CDC14A: variants seen among roughly 807,000 people sequenced by gnomAD.
CDC14A encodes the protein dual specificity protein phosphatase CDC14A.
A neutral mutation model predicts 74.4 loss-of-function variants in CDC14A; 53 were observed. That is an observed-to-expected ratio of 0.71 (90% CI 0.57 to 0.89). The LOEUF is 0.89. CDC14A is among the 40% of genes least tolerant of loss of function. The pLI, the probability that CDC14A is intolerant of heterozygous loss-of-function variation, is 0.00. For synonymous variants in CDC14A, 247 were observed against 258.4 expected, an observed-to-expected ratio of 0.96 and a Z score of 0.43; for missense variants, 646 against 713.7, an observed-to-expected ratio of 0.91 and a Z score of 1.08.
rs1486209354 is a variant in CDC14A at position 100,432,772 on chromosome 1, T to G, written c.390-7160T>G. Among the ~76,000 whole-genome samples the G allele has an allele frequency of 2.6e-5, 4 of 152,352 alleles. No individual in the cohort carries two copies. In the South Asian group the frequency reaches 6.2e-4, roughly 24 times the overall value. On this transcript the variant is annotated intron_variant, in intron 5 of 15. Coordinates refer to ENST00000336454, the MANE Select transcript of CDC14A (RefSeq NM_003672.4). ...TAATATGGTTATAAAAAATTAAAATTATACATGAGGCTCTCTTTTGAGGAT... is the reference window on the plus strand; with the variant it reads ...TAATATGGTTATAAAAAATTAAAATGATACATGAGGCTCTCTTTTGAGGAT...
upstream of CDC14A, chr1:100,352,456 G>A (rs1428083401): frequency 4.9e-6 from 5 of 1,010,744 alleles, no homozygotes; most frequent in African/African-American, 8.7e-5. Flanking sequence ...CCAGGGGGAG[G>A]AGGAGGAGGA....
chr1:100,506,110 G>A, intron 15 of CDC14A, among the ~76,000 whole-genome samples: 1 of 152,122 alleles, frequency 6.6e-6, no homozygotes, highest in East Asian at 1.9e-4. Flanking sequence ...CAACACTGGA[G>A]TCACATTTCA....
At chr1:100,444,437 C>T (rs1665306184) in intron 7 of CDC14A, among the ~76,000 whole-genome samples, 2 of 152,164 alleles carry the variant, frequency 1.3e-5, no homozygotes, top group Admixed American at 1.3e-4. Flanking sequence ...CTCCCATTGC[C>T]CTGCTGAAAT....
At chr1:100,436,848 C>G (rs1468718298) in intron 5 of CDC14A, among the ~76,000 whole-genome samples, 2 of 152,164 alleles carry the variant, frequency 1.3e-5, no homozygotes, top group Admixed American at 1.3e-4. Context: ...CTCTTATTCT[C>G]CTAGTCTTTG....
At chr1:100,455,565 A>T in intron 8 of CDC14A, 73 bp downstream of exon 8, 1 of 870,610 alleles carries the variant, frequency 1.1e-6, no homozygotes, top group East Asian at 2.5e-5. Context: ...ACTTCCTCAG[A>T]TAATTATTTT....
At chr1:100,421,579 A>G (rs933767236) in intron 4 of CDC14A, among the ~76,000 whole-genome samples, 1 of 152,176 alleles carries the variant, frequency 6.6e-6, no homozygotes, top group African/African-American at 2.4e-5. Flanking sequence ...AACTGTTAAC[A>G]GTTTGAAGTC....
At chr1:100,360,258 A>G (rs1396338406) in intron 2 of CDC14A, among the ~76,000 whole-genome samples, 2 of 148,132 alleles carry the variant, frequency 1.4e-5, no homozygotes, top group Non-Finnish European at 3.0e-5. Context: ...AGCCTTTTTC[A>G]CCTTCTGTTT....
In CDC14A at chr1:100,518,480, CTATGTT is replaced by C. The variant is rs1650421117; in HGVS notation, c.*205_*210del. On this transcript the variant is annotated 3_prime_UTR_variant, in exon 16 of 16. Transcript: ENST00000336454. ...AATGACTACTATAAATGCACTGAAA[CTATGTT>C]TATGGAGATTTCCATACTTTTAAAG... is the stretch of plus-strand genomic sequence containing the variant. 1 of 512,590 alleles carries C rather than the reference CTATGTT, an allele frequency of 2.0e-6. No individual in the cohort carries two copies. Among genetic ancestry groups the C allele is most frequent in the Non-Finnish European group, 3.5e-6 (1 of 284,158 alleles). 31.8% of individuals were successfully genotyped at this position (512,590 alleles called of 1,614,324 possible). A position where few individuals can be genotyped will look rare whatever the true frequency, so the allele number is the denominator to read the frequency against.
Position 100,518,358 on chromosome 1 carries a change from C to A in CDC14A, c.*78C>A, listed in dbSNP as rs1650413243. Reference sequence around the variant, plus strand: ...CTGGACGAGCAGTGGAGAGGGAAAGCAACTTCTTGCTGGAAGAATATCTCT... The same window carrying A: ...CTGGACGAGCAGTGGAGAGGGAAAGAAACTTCTTGCTGGAAGAATATCTCT... On this transcript the variant is annotated 3_prime_UTR_variant, in exon 16 of 16. Transcript: ENST00000336454. 1 of 1,122,538 alleles carries A rather than the reference C, an allele frequency of 8.9e-7. No homozygotes were observed. The highest frequency in any genetic ancestry group is 1.5e-5 in the African/African-American group (1 of 65,138). 69.5% of individuals were successfully genotyped at this position (1,122,538 alleles called of 1,614,324 possible).
At chr1:100,466,680 G>C (rs904075898) in intron 9 of CDC14A, among the ~76,000 whole-genome samples, 1 of 152,120 alleles carries the variant, frequency 6.6e-6, no homozygotes, top group Non-Finnish European at 1.5e-5. Context: ...AGACCAGACT[G>C]ACCAACATGG....
intron 15 of CDC14A, 36 bp downstream of exon 15, chr1:100,499,298 C>T (rs752046094): frequency 1.2e-6 from 2 of 1,614,180 alleles, no homozygotes; most frequent in Non-Finnish European, 1.7e-6. Context: ...GTCCTCAGAA[C>T]CCTGAATGCA....
intron 5 of CDC14A, among the ~76,000 whole-genome samples, chr1:100,434,769 T>C (rs76946238): frequency 0.02 from 3,002 of 152,200 alleles, 108 homozygotes; most frequent in African/African-American, 0.069. Flanking sequence ...TTCAAGAGAT[T>C]CTTCTTACAT....
At chr1:100,484,908 C>G (rs1669874588) in intron 11 of CDC14A, 1 of 977,510 alleles carries the variant, frequency 1.0e-6, no homozygotes, top group Non-Finnish European at 1.2e-6. Context: ...TGTAAACAAA[C>G]CACGGTAAAT....
intron 4 of CDC14A, among the ~76,000 whole-genome samples, chr1:100,395,964 C>T (rs542667576): frequency 6.6e-6 from 1 of 152,292 alleles, no homozygotes; most frequent in African/African-American, 2.4e-5. Context: ...TAATTTCTAC[C>T]CTGTTACCTC....
At chr1:100,421,012 TATATTATTA>T (rs1662302272) in intron 4 of CDC14A, among the ~76,000 whole-genome samples, 1 of 152,206 alleles carries the variant, frequency 6.6e-6, no homozygotes, top group Admixed American at 6.5e-5. Flanking sequence ...TGTTAAATGC[TATATTATTA>T]ATATGGTTTC....
At chr1:100,387,518 A>C (rs1394145639) in intron 3 of CDC14A, among the ~76,000 whole-genome samples, 1 of 152,186 alleles carries the variant, frequency 6.6e-6, no homozygotes, top group Non-Finnish European at 1.5e-5. Flanking sequence ...TCAGGCAGAA[A>C]GCTCTAAAAA....
upstream of CDC14A, chr1:100,352,504 G>C (rs924405290): frequency 9.7e-7 from 1 of 1,032,244 alleles, no homozygotes; most frequent in Non-Finnish European, 1.2e-6. Flanking sequence ...AGGAGGATCC[G>C]GAGCAGCTGC....
Position 100,352,575 on chromosome 1 carries a change from G to C in CDC14A, c.-380G>C, listed in dbSNP as rs1312082508. ...CGCTCGAGTAGCCACGGGCGCGATCGGGACCAGAAGTCTCCTCCTCCATGA... is the reference window on the plus strand; with the variant it reads ...CGCTCGAGTAGCCACGGGCGCGATCCGGACCAGAAGTCTCCTCCTCCATGA... On this transcript the variant is annotated 5_prime_UTR_variant, in exon 1 of 16. Transcript: ENST00000336454. 22 of 1,053,252 alleles carry C rather than the reference G, an allele frequency of 2.1e-5. No homozygotes were observed. Among genetic ancestry groups the C allele is most frequent in the Non-Finnish European group, 2.4e-5 (21 of 873,992 alleles). 65.2% of individuals were successfully genotyped at this position (1,053,252 alleles called of 1,614,324 possible). A position where few individuals can be genotyped will look rare whatever the true frequency, so the allele number is the denominator to read the frequency against.
intron 4 of CDC14A, among the ~76,000 whole-genome samples, chr1:100,420,684 T>C (rs1314254845): frequency 6.6e-6 from 1 of 152,128 alleles, no homozygotes; most frequent in Admixed American, 6.6e-5. Context: ...AAAGTAAATG[T>C]GTGTTTAAAA....
Sources: gnomAD v4.1 joint callset for allele counts (sites outside exome capture counted in the v4.1 genomes callset) on GRCh38, gnomAD v4.1.1 for gene constraint, MANE v1.5 for transcripts, NCBI Gene and HGNC (gene_info 2026-07-23, HGNC 2026-07-21) for gene names.